The following PRMT7 variants were observed in gnomAD, a reference collection of about 807,000 sequenced individuals.
PRMT7 encodes protein arginine N-methyltransferase 7.
In PRMT7, 75 loss-of-function variants were observed where a neutral mutation model predicts 85.4. That is an observed-to-expected ratio of 0.88 (90% CI 0.73 to 1.06). PRMT7 has a LOEUF of 1.06. PRMT7 is among the 50% of genes least tolerant of loss of function. The probability of loss-of-function intolerance (pLI) is 0.00; values close to 1 mark genes in which losing one functional copy is unlikely to be tolerated. For missense variants in PRMT7, 868 were observed against 915.2 expected, an observed-to-expected ratio of 0.95 and a Z score of 0.67; for synonymous variants, 397 against 359.5, an observed-to-expected ratio of 1.10 and a Z score of -1.18.
At chr16:68,337,652 A>G (rs1017898163) in intron 7 of PRMT7, 81 bp downstream of exon 7, 38 of 895,514 alleles carry the variant, frequency 4.2e-5, no homozygotes, top group African/African-American at 2.4e-4. Context: ...CGTGTCCCAC[A>G]CAGCCCAAGC....
intron 7 of PRMT7, among the ~76,000 whole-genome samples, chr16:68,338,922 G>T (rs896374684): frequency 6.6e-6 from 1 of 152,154 alleles, no homozygotes; most frequent in Non-Finnish European, 1.5e-5. Flanking sequence ...GGCGCTAGAG[G>T]GCTGGGCAGC....
rs2088735467 is a variant in PRMT7 at position 68,357,209 on chromosome 16, A to G, written c.2064A>G (p.Ala688=). The G allele has an allele frequency of 6.2e-7, 1 of 1,612,812 alleles. No homozygotes were observed. Among genetic ancestry groups the G allele is most frequent in the Non-Finnish European group, 8.5e-7 (1 of 1,179,356 alleles). Reference sequence around the variant, plus strand: ...ACATCATCATGGAGTTCAGGCATGCAGATACCCCAGACTGACCACTCTTGA... The same window carrying G: ...ACATCATCATGGAGTTCAGGCATGCGGATACCCCAGACTGACCACTCTTGA... The part of the protein sequence containing the change: ...TGDIIMEFRH[A]DTPD Residue 688 remains alanine (A), a synonymous_variant, in exon 19 of 19, where the codon GCA becomes GCG. Coordinates refer to ENST00000441236, the MANE Select transcript of PRMT7 (RefSeq NM_019023.5).
intron 2 of PRMT7, among the ~76,000 whole-genome samples, chr16:68,313,013 C>T (rs563107552): frequency 4.6e-4 from 70 of 152,180 alleles, no homozygotes; most frequent in South Asian, 8.3e-4. Flanking sequence ...TTAGTAGAGA[C>T]GGGGTTTCGC....
At chr16:68,359,958 C>G (rs1359230841), downstream of PRMT7, 2 of 152,520 alleles carry the variant, frequency 1.3e-5, no homozygotes, top group Non-Finnish European at 2.9e-5. Context: ...ACACCCTGCC[C>G]TGGGCATGCA....
intron 17 of PRMT7, among the ~76,000 whole-genome samples, 172 bp downstream of exon 17, chr16:68,356,055 C>G (rs1264215604): frequency 1.3e-5 from 2 of 152,232 alleles, no homozygotes; most frequent in African/African-American, 4.8e-5. Context: ...GTGGTGGTTC[C>G]CACGGTCCTG....
chr16:68,357,029 C>A, intron 18 of PRMT7, 25 bp from the exon 19 acceptor site: 1 of 1,583,802 alleles, frequency 6.3e-7, no homozygotes, highest in South Asian at 1.2e-5. Context: ...GAGCCCTCAC[C>A]ATCTTCCTGC....
At chr16:68,359,769 T>C (rs913168448), downstream of PRMT7, 4 of 152,512 alleles carry the variant, frequency 2.6e-5, no homozygotes, top group Non-Finnish European at 5.9e-5. Context: ...TCTCGAACTT[T>C]GAAACAGACA....
chr16:68,356,565 G>A (rs1203137193), intron 17 of PRMT7, 136 bp from the exon 18 acceptor site: 3 of 667,378 alleles, frequency 4.5e-6, no homozygotes, highest in East Asian at 5.6e-5. Flanking sequence ...TTATGTAACT[G>A]CAGCACTAGG....
intron 4 of PRMT7, 164 bp from the exon 5 acceptor site, chr16:68,324,519 C>T: frequency 1.3e-6 from 1 of 743,838 alleles, no homozygotes; most frequent in South Asian, 1.8e-5. Flanking sequence ...GGGGCTGACT[C>T]ACAAGACCTG....
chr16:68,343,153 G>A (rs2085796360), intron 9 of PRMT7, among the ~76,000 whole-genome samples: 1 of 151,976 alleles, frequency 6.6e-6, no homozygotes, highest in Non-Finnish European at 1.5e-5. Flanking sequence ...GCAGTAAGCT[G>A]AGACTGCACC....
chr16:68,346,764 A>G (rs1340361032), intron 11 of PRMT7, among the ~76,000 whole-genome samples: 1 of 151,798 alleles, frequency 6.6e-6, no homozygotes, highest in Non-Finnish European at 1.5e-5. Context: ...AATAGGTGTG[A>G]ATGTGTGCAT....
rs1405427840 is a variant in PRMT7, at chr16:68,352,294, C to T, written c.1460C>T (p.Pro487Leu). Residue 487 changes from proline (P) to leucine (L), a missense_variant, in exon 15 of 19, where the codon CCG becomes CTG. Transcript: ENST00000441236. ...GEPFFTTSLL[P>L]WHNLYFWYVR... Reference sequence around the variant, plus strand: ...CCGTTCTTCACTACCAGCCTGCTGCCGTGGCACAACCTCTACTTCTGGTAC... The same window carrying T: ...CCGTTCTTCACTACCAGCCTGCTGCTGTGGCACAACCTCTACTTCTGGTAC... 9.9e-6 allele frequency: 16 copies of T among 1,613,672 alleles called. No individual in the cohort carries two copies. The South Asian group carries it at 1.1e-4, about 11-fold the overall frequency.
chr16:68,356,900 T>C, intron 18 of PRMT7, 103 bp downstream of exon 18: 1 of 1,390,118 alleles, frequency 7.2e-7, no homozygotes, highest in Non-Finnish European at 9.8e-7. Context: ...CTGTCACAAG[T>C]TCTTCGGGCC....
In PRMT7 at chr16:68,329,517, A is replaced by G. The variant is rs572807222; in HGVS notation, c.391+343A>G. The G allele has an allele frequency of 4.4e-3, 790 of 177,786 alleles. 7 individuals are homozygous for G. The highest frequency in any genetic ancestry group is 7.5e-3 in the Non-Finnish European group (623 of 82,642). 11.0% of individuals were successfully genotyped at this position (177,786 alleles called of 1,614,324 possible). ...AAACCTCATTGGCTACGATACTGCC[A>G]CTGCTCAAAGCTCAACTCTGAGTTT... On this transcript the variant is annotated intron_variant, in intron 6 of 18. Coordinates refer to ENST00000441236, the MANE Select transcript of PRMT7 (RefSeq NM_019023.5).
At chr16:68,334,559 C>T (rs895472079) in intron 6 of PRMT7, among the ~76,000 whole-genome samples, 1 of 152,152 alleles carries the variant, frequency 6.6e-6, no homozygotes, top group Admixed American at 6.5e-5. Flanking sequence ...TCTGAAGTTG[C>T]CTGTTCCCCA....
At chr16:68,342,117 A>C (rs1450245692) in intron 9 of PRMT7, among the ~76,000 whole-genome samples, 1 of 152,084 alleles carries the variant, frequency 6.6e-6, no homozygotes, top group Non-Finnish European at 1.5e-5. Context: ...ACTTCTACTA[A>C]AAATACAAAA....
At position 68,356,684 on chromosome 16, in the gene PRMT7, C is replaced by A; in HGVS notation, c.1812-17C>A. The A allele has an allele frequency of 5.0e-6, 8 of 1,602,370 alleles. No homozygotes were observed. Among genetic ancestry groups the A allele is most frequent in the East Asian group, 2.2e-5 (1 of 44,654 alleles). The stretch of plus-strand genomic sequence containing the variant: ...TCTTGTGTGACTACTTCTGCTGGGC[C>A]CCCCTCTCCTTGACAGGCCCGGGCA... On this transcript the variant is annotated splice_polypyrimidine_tract_variant and intron_variant, in intron 17 of 18. Coordinates refer to ENST00000441236, the MANE Select transcript of PRMT7 (RefSeq NM_019023.5).
At chr16:68,339,701 T>G in intron 8 of PRMT7, 87 bp from the exon 9 acceptor site, 1 of 1,571,150 alleles carries the variant, frequency 6.4e-7, no homozygotes, top group Non-Finnish European at 8.7e-7. Context: ...CAGCCAAATG[T>G]CATTGCCAGT....
rs1050492315 is a variant in PRMT7, at chr16:68,335,264, C to T, written c.392-2195C>T. ...GTGTTGACTGTTACGGGGCACTAGA[C>T]CTTGTGGGTGCTGGGGTACAGTAGT... On this transcript the variant is annotated intron_variant, in intron 6 of 18. Transcript: ENST00000441236. Among the ~76,000 whole-genome samples the T allele has an allele frequency of 5.3e-5, 8 of 152,228 alleles. No homozygotes were observed. In the South Asian group the frequency reaches 1.7e-3, roughly 32 times the overall value.
Sources: gnomAD v4.1 joint callset for allele counts (sites outside exome capture counted in the v4.1 genomes callset) on GRCh38, gnomAD v4.1.1 for gene constraint, MANE v1.5 for transcripts, NCBI Gene and HGNC (gene_info 2026-07-23, HGNC 2026-07-21) for gene names.